The following MCTP2 variants were observed in gnomAD, a reference collection of about 807,000 sequenced individuals.
MCTP2 encodes the protein multiple C2 and transmembrane domain-containing protein 2.
In MCTP2, 132 loss-of-function variants were observed where a neutral mutation model predicts 111.6. That is an observed-to-expected ratio of 1.18 (90% CI 1.03 to 1.37). The LOEUF is 1.37. MCTP2 is among the 40% of genes most tolerant of loss of function. The pLI is 0.00. For synonymous variants in MCTP2, 395 were observed against 387.7 expected, an observed-to-expected ratio of 1.02 and a Z score of -0.22; for missense variants, 1,183 against 1,067.9, an observed-to-expected ratio of 1.11 and a Z score of -1.50.
intron 10 of MCTP2, 54 bp from the exon 11 acceptor site, chr15:94,367,551 C>T (rs2079256916): frequency 7.2e-7 from 1 of 1,397,090 alleles, no homozygotes; most frequent in Non-Finnish European, 9.9e-7. Flanking sequence ...GGAGGTACTG[C>T]AGTGGCCTTG....
In MCTP2 at chr15:94,384,110, C is replaced by G; in HGVS notation, c.1671C>G (p.Asn557Lys). Residue 557 changes from asparagine (N) to lysine (K), a missense_variant, in exon 13 of 23, where the codon AAC becomes AAG. By Grantham distance (94) the Asn-to-Lys change is moderately conservative (BLOSUM62 0). Coordinates refer to ENST00000357742, the MANE Select transcript of MCTP2 (RefSeq NM_001385001.1). Reference sequence around the variant, plus strand: ...ACAAAAACCTCAACCCTGAATGGAACAAAGTTTTTACATTGTAAGTGCTTT... The same window carrying G: ...ACAAAAACCTCAACCCTGAATGGAAGAAAGTTTTTACATTGTAAGTGCTTT... ...TVYKNLNPEW[N>K]KVFTFPIKDI... 6.2e-7 allele frequency: 1 copy of G among 1,612,650 alleles called. No homozygotes were observed. Among genetic ancestry groups the G allele is most frequent in the South Asian group, 1.1e-5 (1 of 90,974 alleles).
intron 1 of MCTP2, among the ~76,000 whole-genome samples, chr15:94,293,571 A>G (rs573356059): frequency 1.3e-5 from 2 of 152,352 alleles, no homozygotes; most frequent in Admixed American, 1.3e-4. Context: ...ACTCCAGGCC[A>G]CGGTCTTCCT....
intron 4 of MCTP2, among the ~76,000 whole-genome samples, chr15:94,333,321 G>T (rs1003235862): frequency 2.6e-5 from 4 of 152,072 alleles, no homozygotes; most frequent in African/African-American, 7.2e-5. Context: ...ATCCCTTTTT[G>T]TGATAAGTGT....
At chr15:94,381,768 TCA>T (rs2080152160) in intron 12 of MCTP2, among the ~76,000 whole-genome samples, 1 of 152,234 alleles carries the variant, frequency 6.6e-6, no homozygotes, top group Admixed American at 6.5e-5. Flanking sequence ...CTCTTCTTGT[TCA>T]CAGTTGCTGA....
intron 1 of MCTP2, among the ~76,000 whole-genome samples, chr15:94,255,427 A>G (rs1040663141): frequency 2.0e-5 from 3 of 152,240 alleles, no homozygotes; most frequent in African/African-American, 7.2e-5. Flanking sequence ...AACCATTTAG[A>G]TATAGATGGC....
intron 1 of MCTP2, among the ~76,000 whole-genome samples, chr15:94,287,073 A>G (rs1193585482): frequency 2.6e-5 from 4 of 152,350 alleles, no homozygotes; most frequent in Admixed American, 6.5e-5. Context: ...GAAGCAAACA[A>G]TATAATATTC....
At chr15:94,428,627 C>G (rs1340888811) in intron 17 of MCTP2, among the ~76,000 whole-genome samples, 3 of 152,250 alleles carry the variant, frequency 2.0e-5, no homozygotes, top group South Asian at 4.2e-4. Context: ...ACCCCAGACA[C>G]CTATCAGACC....
chr15:94,245,495 T>C (rs1265657479), intron 1 of MCTP2, among the ~76,000 whole-genome samples: 3 of 141,360 alleles, frequency 2.1e-5, no homozygotes, highest in Non-Finnish European at 3.0e-5. Flanking sequence ...TACATGTATG[T>C]ATTTATATAT....
At chr15:94,425,666 A>G (rs952949700) in intron 17 of MCTP2, among the ~76,000 whole-genome samples, 6 of 152,132 alleles carry the variant, frequency 3.9e-5, no homozygotes, top group South Asian at 2.1e-4. Context: ...TTTTCAATGT[A>G]CAAAGAGAAA....
At position 94,294,618 on chromosome 15, in the gene MCTP2, T is replaced by G. The variant is rs575017971; in HGVS notation, c.-65-3583T>G. Among the ~76,000 whole-genome samples the G allele has an allele frequency of 3.3e-5, 5 of 152,362 alleles. No homozygotes were observed. In the South Asian group the frequency reaches 1.0e-3, roughly 32 times the overall value. ...GACACATTCTTTAGAGATGCAACTT[T>G]GTTTACAGCAACTCCTTTTCTCATT... On this transcript the variant is annotated intron_variant, in intron 1 of 22. Coordinates refer to ENST00000357742, the MANE Select transcript of MCTP2 (RefSeq NM_001385001.1).
chr15:94,431,986 T>G (rs2083209356), intron 17 of MCTP2, among the ~76,000 whole-genome samples: 1 of 152,212 alleles, frequency 6.6e-6, no homozygotes, highest in Non-Finnish European at 1.5e-5. Context: ...CAGTGGTTTT[T>G]AAAAGAGATT....
chr15:94,359,008 G>A (rs550734941), intron 10 of MCTP2, among the ~76,000 whole-genome samples: 28 of 152,296 alleles, frequency 1.8e-4, no homozygotes, highest in Middle Eastern at 3.4e-3. Context: ...TGTCCTTGAT[G>A]TACTTTATAG....
chr15:94,373,977 T>C (rs2079620505), intron 12 of MCTP2, among the ~76,000 whole-genome samples: 1 of 152,220 alleles, frequency 6.6e-6, no homozygotes, highest in African/African-American at 2.4e-5. Context: ...CATACTTCAC[T>C]CAGCTACTGC....
In MCTP2 at chr15:94,269,405, A is replaced by T. The variant is rs150755348; in HGVS notation, c.-65-28796A>T. On this transcript the variant is annotated intron_variant, in intron 1 of 22. Coordinates refer to ENST00000357742, the MANE Select transcript of MCTP2 (RefSeq NM_001385001.1). ...TAGAATTTAGGGGTAAGAATAATTG[A>T]TAGAATAATTGATGTTTTAGACAGA... Among the ~76,000 whole-genome samples, 1,095 of 152,356 alleles carry T rather than the reference A, an allele frequency of 7.2e-3. 7 individuals carry two copies. The highest frequency in any genetic ancestry group is 0.02 in the Middle Eastern group (6 of 294).
intron 4 of MCTP2, among the ~76,000 whole-genome samples, chr15:94,328,946 A>G (rs2077014235): frequency 6.6e-6 from 1 of 152,216 alleles, no homozygotes; most frequent in Non-Finnish European, 1.5e-5. Flanking sequence ...ATGGTTCCAC[A>G]TGAGGCCTCC....
chr15:94,412,724 G>A (rs1050698256), intron 17 of MCTP2, among the ~76,000 whole-genome samples: 7 of 151,766 alleles, frequency 4.6e-5, no homozygotes, highest in African/African-American at 1.7e-4. Flanking sequence ...CATTTCTTCT[G>A]CTCTGGGTTA....
At chr15:94,305,910 C>T (rs1247305322) in intron 2 of MCTP2, among the ~76,000 whole-genome samples, 1 of 151,996 alleles carries the variant, frequency 6.6e-6, no homozygotes, top group African/African-American at 2.4e-5. Flanking sequence ...CTCATTTTCT[C>T]CTCTAGTCAG....
intron 4 of MCTP2, among the ~76,000 whole-genome samples, chr15:94,320,853 G>C (rs1277291990): frequency 6.6e-6 from 1 of 152,228 alleles, no homozygotes; most frequent in Non-Finnish European, 1.5e-5. Context: ...TGGGAGGCAA[G>C]ATTCAGAGCA....
intron 17 of MCTP2, chr15:94,403,318 C>A: frequency 1.1e-6 from 1 of 896,732 alleles, no homozygotes; most frequent in Non-Finnish European, 1.3e-6. Flanking sequence ...ACGTTCTCCT[C>A]AGCTGGTGGC....
Sources: gnomAD v4.1 joint callset for allele counts (sites outside exome capture counted in the v4.1 genomes callset) on GRCh38, gnomAD v4.1.1 for gene constraint, MANE v1.5 for transcripts, NCBI Gene and HGNC (gene_info 2026-07-23, HGNC 2026-07-21) for gene names.